The following CPSF6 variants were observed in gnomAD, a reference collection of about 807,000 sequenced individuals.
CPSF6 encodes cleavage and polyadenylation specific factor 6, also known as cleavage and polyadenylation specificity factor subunit 6.
A neutral mutation model predicts 56.7 loss-of-function variants in CPSF6; 10 were observed. That is an observed-to-expected ratio of 0.18 (90% CI 0.11 to 0.30). The LOEUF (loss-of-function observed/expected upper bound fraction) is 0.30, where lower values mean the gene tolerates loss of function less well. CPSF6 is among the 10% of genes least tolerant of loss of function. The probability of loss-of-function intolerance (pLI) is 1.00; values close to 1 mark genes in which losing one functional copy is unlikely to be tolerated. For synonymous variants in CPSF6, 248 were observed against 244.8 expected (o/e 1.01, Z -0.12); for missense variants, 419 against 722.9 (o/e 0.58, Z 4.82).
intron 2 of CPSF6, 65 bp from the exon 3 acceptor site, chr12:69,252,986 T>G: frequency 1.1e-6 from 1 of 900,416 alleles, no homozygotes; most frequent in South Asian, 1.9e-5. Context: ...CCTTAAAAAC[T>G]AGACTGGGAT....
At chr12:69,261,156 A>G (rs1051653517) in intron 8 of CPSF6, among the ~76,000 whole-genome samples, 1 of 152,186 alleles carries the variant, frequency 6.6e-6, no homozygotes, top group Non-Finnish European at 1.5e-5. Flanking sequence ...AGTAATCTGT[A>G]AGAGAAAAGA....
Position 69,258,503 on chromosome 12 carries a change from C to T in CPSF6, c.695-87C>T, listed in dbSNP as rs999584083. On this transcript the variant is annotated intron_variant, in intron 5 of 9. Coordinates refer to ENST00000435070, the MANE Select transcript of CPSF6 (RefSeq NM_007007.3). The surrounding 1 kb of genome is among the most constrained non-coding windows in gnomAD (Gnocchi z 4.2). ...ACAAAGACTTGGTGTATGCTCTATG[C>T]GTTTAAAGTATAATCTTGGCATATA... The T allele has an allele frequency of 8.2e-6, 11 of 1,341,032 alleles. No individual in the cohort carries two copies. The highest frequency in any genetic ancestry group is 3.0e-5 in the African/African-American group (2 of 67,698). The allele number at this position is 1,341,032 out of a possible 1,614,324, so 83.1% of individuals were successfully genotyped here. A position where few individuals can be genotyped will look rare whatever the true frequency, so the allele number is the denominator to read the frequency against.
chr12:69,267,955 TGAA>T (rs1018863165), intron 9 of CPSF6, among the ~76,000 whole-genome samples: 2 of 151,824 alleles, frequency 1.3e-5, no homozygotes, highest in African/African-American at 4.8e-5. Flanking sequence ...ATGGAAGAGT[TGAA>T]TATTTTTGTT....
At chr12:69,253,366 A>C (rs767898020) in intron 3 of CPSF6, among the ~76,000 whole-genome samples, 4 of 152,142 alleles carry the variant, frequency 2.6e-5, no homozygotes, top group African/African-American at 4.8e-5. Context: ...AGTAGAGTGG[A>C]AATGTGGACA....
intron 1 of CPSF6, among the ~76,000 whole-genome samples, chr12:69,244,879 G>A (rs553096835): frequency 4.6e-5 from 7 of 152,118 alleles, no homozygotes; most frequent in African/African-American, 9.6e-5. Context: ...TCTGTAATAC[G>A]TGGTGAAGGA....
At chr12:69,253,645 A>G (rs1163156193) in intron 3 of CPSF6, among the ~76,000 whole-genome samples, 1 of 152,150 alleles carries the variant, frequency 6.6e-6, no homozygotes, top group Non-Finnish European at 1.5e-5. Flanking sequence ...TACTTTTAAC[A>G]TTTTAGTGAA....
intron 3 of CPSF6, 110 bp downstream of exon 3, chr12:69,253,264 A>G (rs538698179): frequency 2.2e-4 from 119 of 547,824 alleles, no homozygotes; most frequent in African/African-American, 2.1e-3. Flanking sequence ...ATGTATACAA[A>G]CAACACATGA....
At chr12:69,247,240 T>C (rs1592793845) in intron 1 of CPSF6, among the ~76,000 whole-genome samples, 1 of 152,344 alleles carries the variant, frequency 6.6e-6, no homozygotes, top group East Asian at 1.9e-4. Flanking sequence ...ATCCATTTTC[T>C]CTGGCTTGGC....
At chr12:69,250,552 G>A (rs1235122750) in intron 1 of CPSF6, among the ~76,000 whole-genome samples, 2 of 125,440 alleles carry the variant, frequency 1.6e-5, no homozygotes, top group East Asian at 2.3e-4. Flanking sequence ...TCAGGAGTTC[G>A]AAACTAGCGT....
At position 69,239,613 on chromosome 12, in the gene CPSF6, C is replaced by A. The variant is rs367612178; in HGVS notation, c.-34C>A. The A allele has an allele frequency of 8.3e-6, 11 of 1,325,838 alleles. No homozygotes were observed. Among genetic ancestry groups the A allele is most frequent in the African/African-American group, 4.6e-5 (3 of 64,844 alleles). 82.1% of individuals were successfully genotyped at this position (1,325,838 alleles called of 1,614,324 possible). On this transcript the variant is annotated 5_prime_UTR_variant, in exon 1 of 10. Transcript: ENST00000435070. Reference sequence around the variant, plus strand: ...CCGCGGCGGGCAGACCTGCAGGAGGCGGCGGCGGCGGCGGCGGCCGAGGCT... The same window carrying A: ...CCGCGGCGGGCAGACCTGCAGGAGGAGGCGGCGGCGGCGGCGGCCGAGGCT...
rs1873373918 is a variant in CPSF6 at position 69,273,853 on chromosome 12, T to C, written c.*4345T>C. 6.6e-6 allele frequency: 1 copy of C among 151,946 alleles called. No homozygotes were observed. The highest frequency in any genetic ancestry group is 6.6e-5 in the Admixed American group (1 of 15,240). 9.4% of individuals were successfully genotyped at this position (151,946 alleles called of 1,614,324 possible). ...TTATTCCTTCCTCTGCATCCCATGG[T>C]ATATTAGCAAAGTAGTTTACAGCCC... is the stretch of plus-strand genomic sequence containing the variant. On this transcript the variant is annotated 3_prime_UTR_variant, in exon 10 of 10. Coordinates refer to ENST00000435070, the MANE Select transcript of CPSF6 (RefSeq NM_007007.3).
chr12:69,247,552 G>A (rs1160044775), intron 1 of CPSF6, among the ~76,000 whole-genome samples: 1 of 152,028 alleles, frequency 6.6e-6, no homozygotes, highest in Non-Finnish European at 1.5e-5. Context: ...AGTAATAATT[G>A]AAAAGACCCT....
At chr12:69,264,965 A>G (rs1436560560) in intron 9 of CPSF6, among the ~76,000 whole-genome samples, 5 of 152,188 alleles carry the variant, frequency 3.3e-5, no homozygotes, top group Non-Finnish European at 7.4e-5. Flanking sequence ...GCTGTATACA[A>G]ATAAAATACT....
intron 1 of CPSF6, 130 bp downstream of exon 1, chr12:69,239,836 C>T: frequency 1.3e-6 from 1 of 777,942 alleles, no homozygotes; most frequent in Non-Finnish European, 1.7e-6. Context: ...TGGGCCGCGC[C>T]GCCGACCCCT....
Position 69,258,197 on chromosome 12 carries a change from C to T in CPSF6, c.694+292C>T, listed in dbSNP as rs1565647804. The T allele has an allele frequency of 7.0e-6, 7 of 997,944 alleles. No individual in the cohort carries two copies. Among genetic ancestry groups the T allele is most frequent in the Admixed American group, 5.0e-5 (2 of 39,742 alleles). The allele number at this position is 997,944 out of a possible 1,614,324, so 61.8% of individuals were successfully genotyped here. ...GACTTATATATAGAATATTTACATC[C>T]GTCTTACTTTCTTACCTCTTAAAAA... On this transcript the variant is annotated intron_variant, in intron 5 of 9. Coordinates refer to ENST00000435070, the MANE Select transcript of CPSF6 (RefSeq NM_007007.3). The surrounding 1 kb of genome is among the most constrained non-coding windows in gnomAD (Gnocchi z 4.2).
intron 1 of CPSF6, 103 bp downstream of exon 1, chr12:69,239,809 T>C: frequency 1.8e-6 from 2 of 1,112,026 alleles, no homozygotes; most frequent in East Asian, 3.5e-5. Context: ...CTGCAGAGTG[T>C]GCGCCCTTGC....
chr12:69,239,833 C>A, intron 1 of CPSF6, 127 bp downstream of exon 1: 1 of 783,126 alleles, frequency 1.3e-6, no homozygotes, highest in Non-Finnish European at 1.7e-6. Context: ...CTCTGGGCCG[C>A]GCCGCCGACC....
chr12:69,266,027 GAAAAAAAA>G (rs10556524), intron 9 of CPSF6, among the ~76,000 whole-genome samples: 1 of 132,762 alleles, frequency 7.5e-6, no homozygotes, highest in Non-Finnish European at 1.6e-5. Context: ...TGTTAATTTT[GAAAAAAAA>G]AAAAAAAGCC....
intron 3 of CPSF6, among the ~76,000 whole-genome samples, chr12:69,253,457 C>G (rs954852912): frequency 2.0e-5 from 3 of 152,106 alleles, no homozygotes; most frequent in African/African-American, 4.8e-5. Flanking sequence ...AACCATTACT[C>G]TCCCTGTGAT....
Sources: gnomAD v4.1 joint callset for allele counts (sites outside exome capture counted in the v4.1 genomes callset) on GRCh38, gnomAD v4.1.1 for gene constraint, Gnocchi (gnomAD v3.1) non-coding constraint, MANE v1.5 for transcripts, NCBI Gene and HGNC (gene_info 2026-07-23, HGNC 2026-07-21) for gene names.